The following SATB1 variants were observed in gnomAD, a reference collection of about 807,000 sequenced individuals.
SATB1 encodes the protein SATB homeobox 1.
Under a neutral mutation model 86.9 loss-of-function variants are expected in SATB1, and 11 were observed. The observed-to-expected ratio is 0.13, with a 90% confidence interval of 0.08 to 0.21. SATB1 has a LOEUF of 0.21. Ranked by LOEUF, SATB1 falls within the 10% of genes least tolerant of loss-of-function variation. The pLI is 1.00. For missense variants in SATB1, 551 were observed against 937.6 expected (o/e 0.59, Z 5.39); for synonymous variants, 357 against 357.2 (o/e 1.00, Z 0.01).
chr3:18,426,027 A>T (rs922006455), upstream of SATB1, among the ~76,000 whole-genome samples: 4 of 152,168 alleles, frequency 2.6e-5, no homozygotes, highest in Non-Finnish European at 5.9e-5. This position sits in a 1 kb window ranked among gnomAD's most constrained non-coding sequence, Gnocchi z 4.2. Flanking sequence ...GGGCGCGGGT[A>T]CGCAGGTGAC....
intron 7 of SATB1, among the ~76,000 whole-genome samples, chr3:18,390,248 T>G (rs559187206): frequency 1.3e-5 from 2 of 152,250 alleles, no homozygotes; most frequent in African/African-American, 4.8e-5. Flanking sequence ...CAAATAGATT[T>G]TATCAGCTTC....
intron 5 of SATB1, among the ~76,000 whole-genome samples, chr3:18,399,118 C>T (rs529688581): frequency 1.3e-5 from 2 of 152,296 alleles, no homozygotes; most frequent in East Asian, 1.9e-4. Context: ...TAATAATACA[C>T]ATGAGTTCTA....
intron 9 of SATB1, among the ~76,000 whole-genome samples, chr3:18,368,115 T>A (rs1695277493): frequency 6.6e-6 from 1 of 152,216 alleles, no homozygotes; most frequent in African/African-American, 2.4e-5. Flanking sequence ...AAAATACAAG[T>A]GACTACAGCA....
upstream of SATB1, among the ~76,000 whole-genome samples, chr3:18,443,441 G>A (rs1276957588): frequency 1.3e-5 from 2 of 152,206 alleles, no homozygotes; most frequent in African/African-American, 2.4e-5. This position sits in a 1 kb window ranked among gnomAD's most constrained non-coding sequence, Gnocchi z 4.4. Flanking sequence ...GAGAAAGTTC[G>A]CCAAGGAAGG....
intron 5 of SATB1, among the ~76,000 whole-genome samples, chr3:18,413,574 G>GAAGT (rs1697973879): frequency 6.6e-6 from 1 of 152,066 alleles, no homozygotes; most frequent in African/African-American, 2.4e-5. Flanking sequence ...CAAAGTCCCT[G>GAAGT]AAGTAAGAGT....
intron 2 of SATB1, chr3:18,417,726 G>C (rs1698192021): frequency 1.4e-6 from 1 of 692,240 alleles, no homozygotes. Flanking sequence ...AATAACATTT[G>C]CTTTTATGAA....
At chr3:18,371,711 G>A (rs762162182) in intron 9 of SATB1, among the ~76,000 whole-genome samples, 46 of 151,912 alleles carry the variant, frequency 3.0e-4, no homozygotes, top group South Asian at 6.2e-4. Flanking sequence ...CTTTATTTTC[G>A]TTTCTCATGT....
At chr3:18,428,254 A>G (rs919808937), upstream of SATB1, among the ~76,000 whole-genome samples, 1 of 152,136 alleles carries the variant, frequency 6.6e-6, no homozygotes, top group African/African-American at 2.4e-5. Context: ...AAGGGGCTTG[A>G]GTATGCTAGC....
At chr3:18,370,866 C>T (rs9714119) in intron 9 of SATB1, among the ~76,000 whole-genome samples, 69,463 of 152,076 alleles carry the variant, frequency 0.46, 16,492 homozygotes, top group South Asian at 0.6. Context: ...CTGACAGTTC[C>T]CATCCGTAGC....
rs774276276 is a variant in SATB1 at position 18,349,146 on chromosome 3, T to C, written c.*24A>G. On this transcript the variant is annotated 3_prime_UTR_variant, in exon 11 of 11. Coordinates refer to ENST00000338745, the MANE Select transcript of SATB1 (RefSeq NM_002971.6). The surrounding 1 kb of genome is among the most constrained non-coding windows in gnomAD (Gnocchi z 5.5). Reference sequence around the variant, plus strand: ...TTGTTAGTAAATACCAGTGGCACTGTTGAACGAAACAAATACTTTTATCTC... The same window carrying C: ...TTGTTAGTAAATACCAGTGGCACTGCTGAACGAAACAAATACTTTTATCTC... 3.1e-6 allele frequency: 5 copies of C among 1,605,988 alleles called. No homozygotes were observed. In the South Asian group the frequency reaches 3.3e-5, roughly 11 times the overall value.
chr3:18,442,395 T>C (rs1699265425), upstream of SATB1, among the ~76,000 whole-genome samples: 1 of 152,210 alleles, frequency 6.6e-6, no homozygotes, highest in Non-Finnish European at 1.5e-5. Flanking sequence ...ATGTATTACC[T>C]ATGACTGAAC....
rs1019806358 is a variant in SATB1, at chr3:18,402,607, T to C, written c.640-5317A>G. Among the ~76,000 whole-genome samples, 7 of 152,246 alleles carry C rather than the reference T, an allele frequency of 4.6e-5. 1 individual carries two copies. In the South Asian group the frequency reaches 1.5e-3, roughly 32 times the overall value. On this transcript the variant is annotated intron_variant, in intron 5 of 10. Coordinates refer to ENST00000338745, the MANE Select transcript of SATB1 (RefSeq NM_002971.6). ...TGTACCATATTTGCATATTACAATA[T>C]ACCCTAATAAACTAAACAGCCTGTA... is the stretch of plus-strand genomic sequence containing the variant.
intron 2 of SATB1, among the ~76,000 whole-genome samples, chr3:18,418,449 T>C (rs555204275): frequency 1.3e-5 from 2 of 152,272 alleles, no homozygotes; most frequent in South Asian, 2.1e-4. Flanking sequence ...TAGGTTTACT[T>C]AGAAAAACTC....
At chr3:18,433,077 T>C (rs1189179180) in intron 2 of SATB1, among the ~76,000 whole-genome samples, 3 of 152,154 alleles carry the variant, frequency 2.0e-5, no homozygotes, top group Non-Finnish European at 2.9e-5. Flanking sequence ...CACTTTGAGG[T>C]TCCTTCAATG....
chr3:18,356,512 AATTT>A (rs1210088736), intron 9 of SATB1, among the ~76,000 whole-genome samples: 2 of 151,812 alleles, frequency 1.3e-5, no homozygotes, highest in Non-Finnish European at 2.9e-5. Flanking sequence ...ACACAATGGC[AATTT>A]ATTATGGTCC....
chr3:18,444,656 A>C lies in SATB1; in HGVS notation c.-25+862T>G. The C allele has an allele frequency of 1.0e-6, 1 of 983,116 alleles. No homozygotes were observed. The highest frequency in any genetic ancestry group is 1.2e-6 in the Non-Finnish European group (1 of 829,302). The allele number at this position is 983,116 out of a possible 1,614,324, so 60.9% of individuals were successfully genotyped here. A position where few individuals can be genotyped will look rare whatever the true frequency, so the allele number is the denominator to read the frequency against. The stretch of plus-strand genomic sequence containing the variant: ...GGTGGCTGTCGAGTGCGGGCCTGAA[A>C]CCAAGAACGGCTCCCCGGGCGGGCG... On this transcript the variant is annotated intron_variant, in intron 1 of 3. Transcript: ENST00000415069. This position sits in a 1 kb window ranked among gnomAD's most constrained non-coding sequence, Gnocchi z 5.1.
intron 9 of SATB1, among the ~76,000 whole-genome samples, chr3:18,358,760 ATCT>A (rs1207895929): frequency 2.6e-5 from 4 of 152,012 alleles, no homozygotes; most frequent in Non-Finnish European, 4.4e-5. Flanking sequence ...AATAATAATA[ATCT>A]TCTTTTTAAA....
intron 8 of SATB1, among the ~76,000 whole-genome samples, chr3:18,380,424 ACTT>A (rs2125193393): frequency 6.6e-6 from 1 of 151,236 alleles, no homozygotes; most frequent in South Asian, 2.1e-4. Flanking sequence ...GTTTCTAAAA[ACTT>A]CTTTGGTTAA....
At position 18,349,124 on chromosome 3, in the gene SATB1, T is replaced by C; in HGVS notation, c.*46A>G. 2 of 1,570,398 alleles carry C rather than the reference T, an allele frequency of 1.3e-6. No homozygotes were observed. The highest frequency in any genetic ancestry group is 1.7e-6 in the Non-Finnish European group (2 of 1,158,386). On this transcript the variant is annotated 3_prime_UTR_variant, in exon 11 of 11. Transcript: ENST00000338745. This position sits in a 1 kb window ranked among gnomAD's most constrained non-coding sequence, Gnocchi z 5.5. The stretch of plus-strand genomic sequence containing the variant: ...AAGACAAGGTGGACTTTTCATTTTG[T>C]TAGTAAATACCAGTGGCACTGTTGA...
Sources: allele counts gnomAD v4.1 joint callset (sites outside exome capture counted in the v4.1 genomes callset), GRCh38; gene constraint gnomAD v4.1.1; non-coding constraint Gnocchi (gnomAD v3.1); transcripts MANE v1.5; gene names NCBI Gene and HGNC (gene_info 2026-07-23, HGNC 2026-07-21).